SULT4A1: variants seen among roughly 807,000 people sequenced by gnomAD.
SULT4A1 encodes sulfotransferase 4A1.
In SULT4A1, 11 loss-of-function variants were observed where a neutral mutation model predicts 35.2. The observed-to-expected ratio is 0.31, with a 90% CI of 0.20 to 0.52. The LOEUF is 0.52. SULT4A1 is among the 20% of genes least tolerant of loss of function. The pLI is 0.97. For missense variants in SULT4A1, 271 were observed against 383.7 expected, an observed-to-expected ratio of 0.71 and a Z score of 2.45; for synonymous variants, 152 against 151.8, an observed-to-expected ratio of 1.00 and a Z score of -0.01.
intron 5 of SULT4A1, among the ~76,000 whole-genome samples, chr22:43,830,198 G>C (rs2063315844): frequency 6.6e-6 from 1 of 152,180 alleles, no homozygotes; most frequent in African/African-American, 2.4e-5. Flanking sequence ...ATGAGCCAAG[G>C]AATACAGAGC....
rs953164908 is a variant in SULT4A1 at position 43,862,449 on chromosome 22, CCGCGCCCGCGCCCCGCA to C, written c.-84_-68del. 1.0e-5 allele frequency: 10 copies of C among 972,878 alleles called. No individual in the cohort carries two copies. The African/African-American group carries it at 1.8e-4, about 17-fold the overall frequency. The allele number at this position is 972,878 out of a possible 1,614,324, so 60.3% of individuals were successfully genotyped here. On this transcript the variant is annotated 5_prime_UTR_variant, in exon 1 of 7. Coordinates refer to ENST00000330884, the MANE Select transcript of SULT4A1 (RefSeq NM_014351.4). ...AGCCCGCACGCGCCCGCGCCCGCGC[CCGCGCCCGCGCCCCGCA>C]CACGCTCGCGCCCCACCGGCGCGCG...
At chr22:43,828,833 T>C (rs1311614980) in intron 6 of SULT4A1, 2 of 472,672 alleles carry the variant, frequency 4.2e-6, no homozygotes, top group Non-Finnish European at 3.7e-6. Context: ...CACTGTTTGC[T>C]TGGAGGCAAT....
intron 1 of SULT4A1, among the ~76,000 whole-genome samples, chr22:43,859,701 G>C (rs2049443667): frequency 6.6e-6 from 1 of 152,222 alleles, no homozygotes; most frequent in Admixed American, 6.5e-5. Context: ...CTACTGTCTG[G>C]ATCACGGTTT....
intron 6 of SULT4A1, 41 bp from the exon 7 acceptor site, chr22:43,826,154 C>T (rs780421682): frequency 1.2e-6 from 2 of 1,610,406 alleles, no homozygotes; most frequent in South Asian, 2.2e-5. Flanking sequence ...CACTTGCTGT[C>T]CGGCCAGCTA....
At chr22:43,847,637 G>A (rs2063485240) in intron 1 of SULT4A1, among the ~76,000 whole-genome samples, 1 of 147,292 alleles carries the variant, frequency 6.8e-6, no homozygotes, top group Non-Finnish European at 1.5e-5. Flanking sequence ...GCGCCCCAGT[G>A]GCCCAAAGCC....
intron 6 of SULT4A1, chr22:43,827,696 T>C (rs2063297571): frequency 2.3e-6 from 3 of 1,332,744 alleles, no homozygotes; most frequent in South Asian, 1.2e-5. Flanking sequence ...TAAACCATGA[T>C]AAAGCAAACC....
At chr22:43,830,408 G>A (rs775387065) in intron 5 of SULT4A1, among the ~76,000 whole-genome samples, 12 of 152,348 alleles carry the variant, frequency 7.9e-5, no homozygotes, top group East Asian at 7.7e-4. Flanking sequence ...AGGAAGGGGC[G>A]TTTCTGCCAG....
intron 1 of SULT4A1, 46 bp from the exon 2 acceptor site, chr22:43,841,978 G>A (rs750931515): frequency 6.3e-6 from 10 of 1,587,566 alleles, no homozygotes; most frequent in African/African-American, 1.3e-5. Flanking sequence ...GGAGGCCCAC[G>A]CGCCCGGCCC....
chr22:43,833,669 G>C lies in SULT4A1; in HGVS notation c.574C>G (p.Leu192Val). The C allele has an allele frequency of 6.3e-7, 1 of 1,595,478 alleles. No homozygotes were observed. The highest frequency in any genetic ancestry group is 8.5e-7 in the Non-Finnish European group (1 of 1,170,842). Residue 192 changes from leucine to valine, a missense_variant, in exon 5 of 7, where the codon CTT (leucine) becomes GTT (valine). By Grantham distance (32) the Leu-to-Val change is conservative. Around this residue, in one of 3 missense-constraint regions of SULT4A1, gnomAD observed 75 missense variants for 67.7 expected, o/e 1.11. Transcript: ENST00000330884. ...FWEHRMDSNV[L>V]FLKYEDMHRD... Reference sequence around the variant, plus strand: ...TGCATGTCTTCATACTTGAGAAAAAGCACGTTCGAGTCCATGCGGTGCTCC... The same window carrying C: ...TGCATGTCTTCATACTTGAGAAAAACCACGTTCGAGTCCATGCGGTGCTCC...
In SULT4A1 at chr22:43,829,070, G is replaced by T; in HGVS notation, c.732C>A (p.Pro244=). Reference sequence around the variant, plus strand: ...GGGTGGGGCACGTACCCCGGCCCACGGGCAGGGCCTCAGCGTTGCAGCACT... The same window carrying T: ...GGGTGGGGCACGTACCCCGGCCCACTGGCAGGGCCTCAGCGTTGCAGCACT... The part of the protein sequence containing the change: ...VDQCCNAEAL[P]VGRGRVGLWK... The change falls in exon 6 of 7, where the codon CCC becomes CCA. Residue 244 remains proline (P), a synonymous_variant. Coordinates refer to ENST00000330884, the MANE Select transcript of SULT4A1 (RefSeq NM_014351.4). 6.5e-7 allele frequency: 1 copy of T among 1,532,094 alleles called. No homozygotes were observed. The highest frequency in any genetic ancestry group is 2.5e-5 in the East Asian group (1 of 39,640). 94.9% of individuals were successfully genotyped at this position (1,532,094 alleles called of 1,614,324 possible). A position where few individuals can be genotyped will look rare whatever the true frequency, so the allele number is the denominator to read the frequency against.
At chr22:43,857,711 C>T (rs552272945) in intron 1 of SULT4A1, among the ~76,000 whole-genome samples, 2 of 152,212 alleles carry the variant, frequency 1.3e-5, no homozygotes, top group East Asian at 1.9e-4. Flanking sequence ...AAAACAGGCA[C>T]ATTACCCAGT....
In SULT4A1 at chr22:43,826,195, TG is replaced by T. The variant is rs2063285864; in HGVS notation, c.743-83del. The T allele has an allele frequency of 1.9e-6, 3 of 1,585,294 alleles. No individual in the cohort carries two copies. The Admixed American group carries it at 5.4e-5, about 29-fold the overall frequency. ...CTAAAGGAAGCCTTGGAAATGGATC[TG>T]GAACATTCCAGATCTATTCCTGGAT... On this transcript the variant is annotated intron_variant, in intron 6 of 6. Transcript: ENST00000330884.
At chr22:43,839,889 C>T (rs958261909) in intron 3 of SULT4A1, 56 bp downstream of exon 3, 6 of 1,523,342 alleles carry the variant, frequency 3.9e-6, no homozygotes, top group Admixed American at 1.9e-5. Context: ...GCACAGGGAC[C>T]TTGGGCTCCT....
rs2148315590 is a variant in SULT4A1 at position 43,862,439 on chromosome 22, GCGCCCGCGCCCGCGCCCGCGCCC to G, written c.-80_-58del. ...CCCGGCTCGCAGCCCGCACGCGCCC[GCGCCCGCGCCCGCGCCCGCGCCC>G]CGCACACGCTCGCGCCCCACCGGCG... On this transcript the variant is annotated 5_prime_UTR_variant, in exon 1 of 7. Transcript: ENST00000330884. The G allele has an allele frequency of 3.2e-6, 3 of 943,228 alleles. No individual in the cohort carries two copies. Among genetic ancestry groups the G allele is most frequent in the African/African-American group, 3.7e-5 (2 of 53,864 alleles). 58.4% of individuals were successfully genotyped at this position (943,228 alleles called of 1,614,324 possible). A position where few individuals can be genotyped will look rare whatever the true frequency, so the allele number is the denominator to read the frequency against.
intron 2 of SULT4A1, 57 bp downstream of exon 2, chr22:43,841,745 G>A (rs947452515): frequency 6.9e-6 from 11 of 1,583,488 alleles, no homozygotes; most frequent in Non-Finnish European, 8.6e-6. Context: ...TCATCAGGGT[G>A]TAACGGTAGA....
At position 43,862,487 on chromosome 22, in the gene SULT4A1, G is replaced by T. The variant is rs1385428670; in HGVS notation, c.-105C>A. On this transcript the variant is annotated 5_prime_UTR_variant, in exon 1 of 7. Coordinates refer to ENST00000330884, the MANE Select transcript of SULT4A1 (RefSeq NM_014351.4). ...CCGCACACGCTCGCGCCCCACCGGCGCGCGGCGGCAGCTCCGCAGGCGTGA... is the reference window on the plus strand; with the variant it reads ...CCGCACACGCTCGCGCCCCACCGGCTCGCGGCGGCAGCTCCGCAGGCGTGA... 5 of 953,792 alleles carry T rather than the reference G, an allele frequency of 5.2e-6. No homozygotes were observed. Among genetic ancestry groups the T allele is most frequent in the Non-Finnish European group, 6.2e-6 (5 of 805,194 alleles). 59.1% of individuals were successfully genotyped at this position (953,792 alleles called of 1,614,324 possible).
At position 43,825,710 on chromosome 22, in the gene SULT4A1, ACATT is replaced by A; in HGVS notation, c.*287_*290del. The A allele has an allele frequency of 4.2e-6, 1 of 239,688 alleles. No individual in the cohort carries two copies. The highest frequency in any genetic ancestry group is 7.9e-6 in the Non-Finnish European group (1 of 126,118). 14.8% of individuals were successfully genotyped at this position (239,688 alleles called of 1,614,324 possible). On this transcript the variant is annotated 3_prime_UTR_variant, in exon 7 of 7. Coordinates refer to ENST00000330884, the MANE Select transcript of SULT4A1 (RefSeq NM_014351.4). Reference sequence around the variant, plus strand: ...CAATAATACGGGGTTGAAAAGGCAGACATTCTAGTTGCATATATTACAGGCTTTA... The same window carrying A: ...CAATAATACGGGGTTGAAAAGGCAGACTAGTTGCATATATTACAGGCTTTA...
chr22:43,829,978 G>A (rs2285157), intron 5 of SULT4A1, among the ~76,000 whole-genome samples: 35,220 of 152,196 alleles, frequency 0.23, 4,732 homozygotes, highest in East Asian at 0.44. Context: ...GCAGCACTTC[G>A]GAAACCTTAA....
intron 6 of SULT4A1, among the ~76,000 whole-genome samples, chr22:43,828,608 G>A (rs2148276000): frequency 6.6e-6 from 1 of 152,332 alleles, no homozygotes; most frequent in Non-Finnish European, 1.5e-5. Flanking sequence ...GAAAAACGGT[G>A]TCTCCTAACT....
Sources: gnomAD v4.1 joint callset for allele counts (sites outside exome capture counted in the v4.1 genomes callset) on GRCh38, gnomAD v4.1.1 for gene constraint, gnomAD v4.1.1 regional missense constraint, MANE v1.5 for transcripts, NCBI Gene and HGNC (gene_info 2026-07-23, HGNC 2026-07-21) for gene names.